Variants in ACTR8 observed in about 807,000 individuals in gnomAD.
ACTR8 encodes actin-related protein 8.
In ACTR8, 70 loss-of-function variants were observed where a neutral mutation model predicts 84.3. That is an observed-to-expected ratio of 0.83 (90% CI 0.68 to 1.01). The LOEUF is 1.01. Ranked by LOEUF, ACTR8 falls within the 50% of genes least tolerant of loss-of-function variation. ACTR8 has a pLI of 0.00. For missense variants in ACTR8, 672 were observed against 775.4 expected (o/e 0.87, Z 1.58); for synonymous variants, 268 against 275.2 (o/e 0.97, Z 0.26).
At chr3:53,864,706 T>A, downstream of ACTR8, 1 of 1,433,184 alleles carries the variant, frequency 7.0e-7, no homozygotes, top group Non-Finnish European at 9.6e-7. Context: ...AGCCTGCTGT[T>A]TGCTGTTCAC....
chr3:53,870,016 A>G lies in ACTR8; in HGVS notation c.1697T>C (p.Ile566Thr), dbSNP rs747032805. 2 of 1,614,092 alleles carry G rather than the reference A, an allele frequency of 1.2e-6. No individual in the cohort carries two copies. Among genetic ancestry groups the G allele is most frequent in the African/African-American group, 1.3e-5 (1 of 74,938 alleles). The change falls in exon 12 of 13, where the codon ATT (isoleucine) becomes ACT (threonine). Residue 566 changes from isoleucine (I) to threonine (T), a missense_variant. Transcript: ENST00000335754. The surrounding 1 kb of genome is among the most constrained non-coding windows in gnomAD (Gnocchi z 4.1). ...TGTGATCACATCCACATTTTCAATA[A>G]TTCGCCTGAAGGATGGTGGCATTTT... is the stretch of plus-strand genomic sequence containing the variant. The part of the protein sequence containing the change: ...LNKMPPSFRR[I>T]IENVDVITRP...
Position 53,868,462 on chromosome 3 carries a change from TGA to T in ACTR8, c.*255_*256del. The T allele has an allele frequency of 2.3e-6, 1 of 442,864 alleles. No individual in the cohort carries two copies. The highest frequency in any genetic ancestry group is 3.4e-5 in the South Asian group (1 of 29,622). 27.4% of individuals were successfully genotyped at this position (442,864 alleles called of 1,614,324 possible). ...AACGTTTACATCACTGGGGAGTTTA[TGA>T]GACCCTGAGAGAGGGCAAGAGAGTT... On this transcript the variant is annotated 3_prime_UTR_variant, in exon 13 of 13. Transcript: ENST00000335754.
Position 53,878,439 on chromosome 3 carries a change from T to C in ACTR8, c.323A>G (p.Asn108Ser), listed in dbSNP as rs557885296. 3.2e-5 allele frequency: 51 copies of C among 1,613,544 alleles called. No homozygotes were observed. The South Asian group carries it at 5.6e-4, about 18-fold the overall frequency. The change falls in exon 3 of 13, where the codon AAT becomes AGT. Residue 108 changes from asparagine (N) to serine (S), a missense_variant. Coordinates refer to ENST00000335754, the MANE Select transcript of ACTR8 (RefSeq NM_022899.5). ...NKPESNEQRQNGLKMVDQAIW... is the reference protein window; with the variant it reads ...NKPESNEQRQSGLKMVDQAIW... ...TGCTTGATCCACCATTTTAAGGCCA[T>C]TTTGTCTTTGTTCATTACTTTCTGG...
chr3:53,881,821 G>C, intron 1 of ACTR8, 158 bp downstream of exon 1: 1 of 1,249,008 alleles, frequency 8.0e-7, no homozygotes, highest in Non-Finnish European at 1.1e-6. Context: ...GCGTCCCGGC[G>C]CGCCACCACC....
At chr3:53,868,916 CAT>C in intron 12 of ACTR8, 54 bp from the exon 13 acceptor site, 1 of 1,569,860 alleles carries the variant, frequency 6.4e-7, no homozygotes, top group African/African-American at 1.4e-5. Flanking sequence ...TATACTCAAT[CAT>C]TTACTTGAAT....
chr3:53,871,200 T>C, intron 11 of ACTR8, 32 bp downstream of exon 11: 1 of 1,596,028 alleles, frequency 6.3e-7, no homozygotes, highest in Non-Finnish European at 8.6e-7. Context: ...CTTGTTTCAC[T>C]GCTATCTCCC....
intron 6 of ACTR8, 41 bp downstream of exon 6, chr3:53,876,579 A>C: frequency 8.8e-7 from 1 of 1,133,468 alleles, no homozygotes. Flanking sequence ...AAAGAAAGAA[A>C]ATTCCATTTA....
chr3:53,871,143 T>C, intron 11 of ACTR8, 89 bp downstream of exon 11: 1 of 1,507,472 alleles, frequency 6.6e-7, no homozygotes, highest in Admixed American at 2.0e-5. Context: ...GAATATGTTA[T>C]ACTGCACAAG....
At chr3:53,875,612 A>G (rs765025493) in intron 7 of ACTR8, among the ~76,000 whole-genome samples, 128 of 152,372 alleles carry the variant, frequency 8.4e-4, no homozygotes, top group Non-Finnish European at 1.4e-3. Flanking sequence ...AAGCTCTGCT[A>G]TAAGGATGTG....
In ACTR8 at chr3:53,870,275, A is replaced by G; in HGVS notation, c.1568-130T>C. ...GATTTCCCTCCAGCCCACCCTCCAC[A>G]CTGCAGCCAGGGGAACCCTACGAAA... On this transcript the variant is annotated intron_variant, in intron 11 of 12. Coordinates refer to ENST00000335754, the MANE Select transcript of ACTR8 (RefSeq NM_022899.5). This position sits in a 1 kb window ranked among gnomAD's most constrained non-coding sequence, Gnocchi z 4.1. The G allele has an allele frequency of 9.3e-7, 1 of 1,069,588 alleles. No individual in the cohort carries two copies. Among genetic ancestry groups the G allele is most frequent in the Non-Finnish European group, 1.4e-6 (1 of 738,574 alleles). 66.3% of individuals were successfully genotyped at this position (1,069,588 alleles called of 1,614,324 possible).
chr3:53,867,016 A>C (rs1309691597), downstream of ACTR8: 1 of 152,232 alleles, frequency 6.6e-6, no homozygotes, highest in Non-Finnish European at 1.5e-5. Flanking sequence ...TAAAGTAAAA[A>C]CTGTGTCCAG....
intron 8 of ACTR8, 167 bp from the exon 9 acceptor site, chr3:53,873,294 T>A: frequency 2.2e-6 from 1 of 454,684 alleles, no homozygotes; most frequent in Non-Finnish European, 4.0e-6. Flanking sequence ...AGTTGTACTT[T>A]GTTCCCCTAT....
At chr3:53,860,005 G>A in the ACTR8 span, 3 of 686,066 alleles carry the variant, frequency 4.4e-6, no homozygotes, top group Admixed American at 2.5e-5. Flanking sequence ...GCGAGACTCT[G>A]TCTCAAAACT....
Position 53,871,423 on chromosome 3 carries a change from G to A in ACTR8, c.1376C>T (p.Ser459Phe), listed in dbSNP as rs1245923583. The A allele has an allele frequency of 6.2e-7, 1 of 1,614,198 alleles. No individual in the cohort carries two copies. Among genetic ancestry groups the A allele is most frequent in the Non-Finnish European group, 8.5e-7 (1 of 1,180,044 alleles). Residue 459 changes from serine to phenylalanine, a missense_variant, in exon 11 of 13, where the codon TCC (serine) becomes TTC (phenylalanine). Ser to Phe is a radical substitution (Grantham distance 155). Coordinates refer to ENST00000335754, the MANE Select transcript of ACTR8 (RefSeq NM_022899.5). The part of the protein sequence containing the change: ...IGFEGDLRGQ[S>F]SDLPERLHSQ... Reference sequence around the variant, plus strand: ...ATGGAGTCTTTCTGGAAGATCAGAGGACTGGCCACGAAGATCCCCTTCAAA... The same window carrying A: ...ATGGAGTCTTTCTGGAAGATCAGAGAACTGGCCACGAAGATCCCCTTCAAA...
chr3:53,877,466 A>T (rs1699993618), intron 4 of ACTR8, 79 bp from the exon 5 acceptor site: 2 of 1,440,308 alleles, frequency 1.4e-6, no homozygotes, highest in African/African-American at 2.9e-5. Flanking sequence ...CAAAAATCTA[A>T]CTAACGTTTG....
At chr3:53,875,406 C>T (rs1404901103) in intron 7 of ACTR8, among the ~76,000 whole-genome samples, 2 of 152,294 alleles carry the variant, frequency 1.3e-5, no homozygotes, top group South Asian at 2.1e-4. Context: ...CCTGAGTGTG[C>T]TTACATATGT....
At chr3:53,876,743 A>G (rs1165537563) in intron 5 of ACTR8, 30 bp from the exon 6 acceptor site, 3 of 1,253,670 alleles carry the variant, frequency 2.4e-6, no homozygotes, top group African/African-American at 1.5e-5. Flanking sequence ...TAAAAGGGTT[A>G]GCACTCAAGT....
intron 3 of ACTR8, 123 bp from the exon 4 acceptor site, chr3:53,877,874 C>CA: frequency 1.4e-6 from 1 of 735,202 alleles, no homozygotes; most frequent in Non-Finnish European, 2.2e-6. Context: ...AAATATTTGG[C>CA]AAAATATTGA....
At chr3:53,881,729 C>T in intron 1 of ACTR8, 1 of 597,058 alleles carries the variant, frequency 1.7e-6, no homozygotes, top group Non-Finnish European at 2.9e-6. Flanking sequence ...CACAACCAGA[C>T]GGTGGGGCGT....
Sources: allele counts gnomAD v4.1 joint callset (sites outside exome capture counted in the v4.1 genomes callset), GRCh38; gene constraint gnomAD v4.1.1; non-coding constraint Gnocchi (gnomAD v3.1); transcripts MANE v1.5; gene names NCBI Gene and HGNC (gene_info 2026-07-23, HGNC 2026-07-21).